The following DDX4 variants were observed in gnomAD, a reference collection of about 807,000 sequenced individuals.
DDX4 encodes the protein probable ATP-dependent RNA helicase DDX4.
Under a neutral mutation model 100.0 loss-of-function variants are expected in DDX4, and 25 were observed. That is an observed-to-expected ratio of 0.25 (90% CI 0.18 to 0.35). DDX4 has a LOEUF of 0.35. Ranked by LOEUF, DDX4 falls within the 10% of genes least tolerant of loss-of-function variation. DDX4 has a pLI of 1.00. For missense variants in DDX4, 635 were observed against 882.4 expected, an observed-to-expected ratio of 0.72 and a Z score of 3.55; for synonymous variants, 259 against 275.7, an observed-to-expected ratio of 0.94 and a Z score of 0.60.
chr5:55,772,678 C>G (rs1741324330), intron 7 of DDX4, among the ~76,000 whole-genome samples: 1 of 152,082 alleles, frequency 6.6e-6, no homozygotes. Flanking sequence ...GAGTTGCCTA[C>G]TAGTTCCCTT....
In DDX4 at chr5:55,767,110, A is replaced by G. The variant is rs148632260; in HGVS notation, c.335-771A>G. 4.8e-4 allele frequency: 588 copies of G among 1,233,926 alleles called. 1 individual carries two copies. The Middle Eastern group carries it at 6.9e-3, about 14-fold the overall frequency. The allele number at this position is 1,233,926 out of a possible 1,614,324, so 76.4% of individuals were successfully genotyped here. A position where few individuals can be genotyped will look rare whatever the true frequency, so the allele number is the denominator to read the frequency against. ...AGCATGAATGGGGGAAAGTTTGCAT[A>G]TATTTAAGAAAGCACAAATGTCTTG... On this transcript the variant is annotated intron_variant, in intron 6 of 21. Coordinates refer to ENST00000505374, the MANE Select transcript of DDX4 (RefSeq NM_024415.3).
intron 17 of DDX4, 119 bp from the exon 18 acceptor site, chr5:55,798,307 A>T (rs533028145): frequency 2.8e-6 from 3 of 1,054,014 alleles, no homozygotes; most frequent in Non-Finnish European, 4.0e-6. Flanking sequence ...CAACCATCTT[A>T]TAGCTGTTAT....
At chr5:55,809,402 G>A (rs1324197430) in intron 18 of DDX4, among the ~76,000 whole-genome samples, 5 of 152,234 alleles carry the variant, frequency 3.3e-5, no homozygotes, top group African/African-American at 4.8e-5. Flanking sequence ...CGTCTTCTGC[G>A]TCACTTATGC....
intron 18 of DDX4, among the ~76,000 whole-genome samples, chr5:55,810,785 A>G (rs1008153004): frequency 1.3e-5 from 2 of 152,178 alleles, no homozygotes; most frequent in Non-Finnish European, 2.9e-5. Context: ...TTCTTCTTCT[A>G]AATTTTTAAT....
At chr5:55,805,988 A>G (rs538552573) in intron 18 of DDX4, among the ~76,000 whole-genome samples, 36 of 152,150 alleles carry the variant, frequency 2.4e-4, no homozygotes, top group Non-Finnish European at 4.7e-4. Flanking sequence ...ATTAATTATT[A>G]CCTCAATTTC....
chr5:55,785,918 C>T (rs771869413), intron 13 of DDX4, 47 bp downstream of exon 13: 1 of 1,355,464 alleles, frequency 7.4e-7, no homozygotes, highest in Non-Finnish European at 1.1e-6. Flanking sequence ...CACACTTTGC[C>T]TTTAAAATAC....
intron 10 of DDX4, 39 bp from the exon 11 acceptor site, chr5:55,785,258 A>T: frequency 7.0e-7 from 1 of 1,426,604 alleles, no homozygotes; most frequent in Non-Finnish European, 9.8e-7. Flanking sequence ...GCACAGCCTT[A>T]CATCTTGACC....
In DDX4 at chr5:55,815,313, G is replaced by T; in HGVS notation, c.1987G>T (p.Ala663Ser). The change falls in exon 21 of 22, where the codon GCT becomes TCT. Residue 663 changes from alanine (A) to serine (S), a missense_variant and splice_region_variant. Coordinates refer to ENST00000505374, the MANE Select transcript of DDX4 (RefSeq NM_024415.3). ...AQPLVKVLTD[A>S]QQDVPAWLEE... ...CATATGAAGTCAATTTTTTTTAAAG[G>T]CTCAACAGGATGTTCCTGCATGGTT... 1 of 1,607,030 alleles carries T rather than the reference G, an allele frequency of 6.2e-7. No individual in the cohort carries two copies. Among genetic ancestry groups the T allele is most frequent in the Admixed American group, 1.7e-5 (1 of 58,202 alleles).
chr5:55,800,425 G>A (rs1309701916), intron 18 of DDX4, among the ~76,000 whole-genome samples: 1 of 150,524 alleles, frequency 6.6e-6, no homozygotes, highest in Non-Finnish European at 1.5e-5. Flanking sequence ...CCGGGTTCAC[G>A]CCATTCTCCT....
At chr5:55,808,926 G>C (rs1451374652) in intron 18 of DDX4, among the ~76,000 whole-genome samples, 1 of 152,258 alleles carries the variant, frequency 6.6e-6, no homozygotes, top group African/African-American at 2.4e-5. Flanking sequence ...GGAGTCTACA[G>C]AGGCAGGCAG....
chr5:55,785,927 A>T, intron 13 of DDX4, 56 bp downstream of exon 13: 6 of 1,264,270 alleles, frequency 4.7e-6, no homozygotes, highest in Non-Finnish European at 6.9e-6. Flanking sequence ...CCTTTAAAAT[A>T]CATTATGTAG....
Position 55,763,139 on chromosome 5 carries a change from A to G in DDX4, c.206-36A>G, listed in dbSNP as rs114089582. 3,311 of 1,347,826 alleles carry G rather than the reference A, an allele frequency of 2.5e-3. 74 individuals carry two copies. The African/African-American group carries it at 0.043, about 18-fold the overall frequency. The allele number at this position is 1,347,826 out of a possible 1,614,324, so 83.5% of individuals were successfully genotyped here. On this transcript the variant is annotated intron_variant, in intron 4 of 21. Coordinates refer to ENST00000505374, the MANE Select transcript of DDX4 (RefSeq NM_024415.3). Reference sequence around the variant, plus strand: ...TTTTGATGATGACACACTTAATTTTATATGTTAAAGAGTTTAACTGTCCAC... The same window carrying G: ...TTTTGATGATGACACACTTAATTTTGTATGTTAAAGAGTTTAACTGTCCAC...
intron 17 of DDX4, 106 bp from the exon 18 acceptor site, chr5:55,798,320 T>C: frequency 8.6e-7 from 1 of 1,157,166 alleles, no homozygotes; most frequent in Non-Finnish European, 1.2e-6. Flanking sequence ...GCTGTTATAA[T>C]CTGCTGTCTG....
chr5:55,750,600 A>C (rs1450725993), intron 3 of DDX4, among the ~76,000 whole-genome samples: 3 of 152,076 alleles, frequency 2.0e-5, no homozygotes, highest in Admixed American at 6.6e-5. Context: ...TTGTTTGGCA[A>C]TTTCTACATT....
At chr5:55,759,272 A>G (rs1159871772) in intron 3 of DDX4, among the ~76,000 whole-genome samples, 1 of 151,990 alleles carries the variant, frequency 6.6e-6, no homozygotes, top group Non-Finnish European at 1.5e-5. Context: ...CTTATTTTCT[A>G]GTATAAATAT....
At chr5:55,780,570 G>T (rs904665948) in intron 8 of DDX4, among the ~76,000 whole-genome samples, 3 of 152,318 alleles carry the variant, frequency 2.0e-5, no homozygotes, top group East Asian at 1.9e-4. Flanking sequence ...TAATAGATGC[G>T]TAGCAGACTA....
intron 5 of DDX4, among the ~76,000 whole-genome samples, chr5:55,763,799 CTGAAAAGAAAGT>C (rs1163564292): frequency 6.6e-6 from 1 of 152,158 alleles, no homozygotes; most frequent in African/African-American, 2.4e-5. Flanking sequence ...ACAGAATTGG[CTGAAAAGAAAGT>C]TGTTTTTAAC....
At chr5:55,743,508 C>G (rs1490877843) in intron 2 of DDX4, among the ~76,000 whole-genome samples, 1 of 152,180 alleles carries the variant, frequency 6.6e-6, no homozygotes, top group Non-Finnish European at 1.5e-5. Context: ...CGGCTCCCTT[C>G]AAGCTCCACC....
At chr5:55,798,348 A>G in intron 17 of DDX4, 78 bp from the exon 18 acceptor site, 2 of 1,462,614 alleles carry the variant, frequency 1.4e-6, no homozygotes, top group South Asian at 2.7e-5. Context: ...TTGAGATAAC[A>G]CCTACAGGAA....
Sources: allele counts gnomAD v4.1 joint callset (sites outside exome capture counted in the v4.1 genomes callset), GRCh38; gene constraint gnomAD v4.1.1; transcripts MANE v1.5; gene names NCBI Gene and HGNC (gene_info 2026-07-23, HGNC 2026-07-21).